Variants in GPR137C observed in about 807,000 individuals in gnomAD.
GPR137C encodes the protein integral membrane protein GPR137C.
In GPR137C, 27 loss-of-function variants were observed where a neutral mutation model predicts 43.4. That is an observed-to-expected ratio of 0.62 (90% CI 0.46 to 0.86). The LOEUF (loss-of-function observed/expected upper bound fraction) is 0.86. Ranked by LOEUF, GPR137C falls within the 40% of genes least tolerant of loss-of-function variation. The pLI is 0.00. For missense variants in GPR137C, 522 were observed against 534.6 expected, an observed-to-expected ratio of 0.98 and a Z score of 0.23; for synonymous variants, 285 against 226.9, an observed-to-expected ratio of 1.26 and a Z score of -2.30.
In GPR137C at chr14:52,635,532, T is replaced by C. The variant is rs1320080044; in HGVS notation, c.*417T>C. ...AGCCGGTATATTCATTGGTATGCTC[T>C]ATACAGATATCTTAATAAAAATTTT... On this transcript the variant is annotated 3_prime_UTR_variant, in exon 7 of 7. Transcript: ENST00000321662. 1 of 153,594 alleles carries C rather than the reference T, an allele frequency of 6.5e-6. No homozygotes were observed. Among genetic ancestry groups the C allele is most frequent in the Non-Finnish European group, 1.4e-5 (1 of 69,118 alleles). 9.5% of individuals were successfully genotyped at this position (153,594 alleles called of 1,614,324 possible).
At chr14:52,577,843 T>G (rs994312199) in intron 1 of GPR137C, among the ~76,000 whole-genome samples, 2 of 149,998 alleles carry the variant, frequency 1.3e-5, no homozygotes, top group African/African-American at 4.9e-5. Context: ...GGCATGCACC[T>G]GTAAGTCCCA....
intron 3 of GPR137C, among the ~76,000 whole-genome samples, chr14:52,623,719 A>G (rs1043167862): frequency 6.6e-6 from 1 of 151,898 alleles, no homozygotes; most frequent in Non-Finnish European, 1.5e-5. Flanking sequence ...CACTCAGTTC[A>G]TTTGACGTAG....
In GPR137C at chr14:52,582,651, G is replaced by A. The variant is rs568853066; in HGVS notation, c.445-15621G>A. 2.6e-5 allele frequency among the ~76,000 whole-genome samples: 4 copies of A among 152,176 alleles called. No individual in the cohort carries two copies. In the South Asian group the frequency reaches 8.3e-4, roughly 32 times the overall value. On this transcript the variant is annotated intron_variant, in intron 1 of 6. Transcript: ENST00000321662. ...TCTAATAAAAATACAAAAATTAGCC[G>A]GGTGTGTTGGTGTGCACCTGTCATC... is the stretch of plus-strand genomic sequence containing the variant.
chr14:52,601,942 T>C (rs2038931277), intron 3 of GPR137C, among the ~76,000 whole-genome samples: 1 of 151,892 alleles, frequency 6.6e-6, no homozygotes, highest in Non-Finnish European at 1.5e-5. Flanking sequence ...CACCATTCCC[T>C]TACTATCATA....
At chr14:52,571,359 C>A (rs763586266) in intron 1 of GPR137C, among the ~76,000 whole-genome samples, 37 of 152,166 alleles carry the variant, frequency 2.4e-4, no homozygotes, top group African/African-American at 4.6e-4. Context: ...AAATTTATAG[C>A]ACTAAATGCC....
intron 3 of GPR137C, among the ~76,000 whole-genome samples, chr14:52,606,452 T>A (rs1036662609): frequency 3.3e-5 from 5 of 152,196 alleles, no homozygotes; most frequent in Non-Finnish European, 7.3e-5. Flanking sequence ...GTTTATTTAC[T>A]TTGAGACAGT....
chr14:52,578,944 CAAAA>C (rs564809341), intron 1 of GPR137C, among the ~76,000 whole-genome samples: 3 of 93,926 alleles, frequency 3.2e-5, no homozygotes, highest in African/African-American at 4.0e-5. Flanking sequence ...GACTCCGTCT[CAAAA>C]AAAAAAAAAA....
intron 1 of GPR137C, among the ~76,000 whole-genome samples, chr14:52,567,937 C>T (rs189033323): frequency 2.0e-3 from 305 of 152,158 alleles, no homozygotes; most frequent in African/African-American, 6.9e-3. Context: ...GGATTACAGG[C>T]GTGAGCCACC....
intron 3 of GPR137C, among the ~76,000 whole-genome samples, chr14:52,627,160 T>C (rs2039237014): frequency 6.6e-6 from 1 of 150,770 alleles, no homozygotes; most frequent in African/African-American, 2.4e-5. Context: ...TGGGAGGCCT[T>C]GGTGGGAGGA....
At chr14:52,625,163 A>C (rs958182088) in intron 3 of GPR137C, among the ~76,000 whole-genome samples, 1 of 152,204 alleles carries the variant, frequency 6.6e-6, no homozygotes, top group East Asian at 1.9e-4. Context: ...AGAAGAAACA[A>C]CACCAATAGT....
At chr14:52,563,561 T>G (rs2038318991) in intron 1 of GPR137C, among the ~76,000 whole-genome samples, 1 of 152,026 alleles carries the variant, frequency 6.6e-6, no homozygotes, top group Non-Finnish European at 1.5e-5. Flanking sequence ...GCAGCATCAC[T>G]TGAGCCCAGG....
intron 3 of GPR137C, among the ~76,000 whole-genome samples, chr14:52,614,152 C>T (rs994370868): frequency 6.6e-6 from 1 of 150,816 alleles, no homozygotes; most frequent in Non-Finnish European, 1.5e-5. Context: ...CAGAGTCCCA[C>T]TCTGTCACCG....
intron 1 of GPR137C, among the ~76,000 whole-genome samples, chr14:52,558,339 G>A (rs1476460283): frequency 6.6e-6 from 1 of 152,162 alleles, no homozygotes; most frequent in Admixed American, 6.5e-5. Context: ...CAGTGGATCA[G>A]CTAGGAAAAT....
At chr14:52,596,635 C>T (rs1006030117) in intron 1 of GPR137C, among the ~76,000 whole-genome samples, 3 of 152,234 alleles carry the variant, frequency 2.0e-5, no homozygotes, top group African/African-American at 7.2e-5. Context: ...AAGCCAGGCA[C>T]AGGAGGGAAT....
At chr14:52,576,295 T>A (rs920415798) in intron 1 of GPR137C, among the ~76,000 whole-genome samples, 2 of 152,226 alleles carry the variant, frequency 1.3e-5, no homozygotes, top group African/African-American at 4.8e-5. Flanking sequence ...TTGCAATTGA[T>A]AGAATTTCAT....
At chr14:52,597,540 G>A (rs906046578) in intron 1 of GPR137C, among the ~76,000 whole-genome samples, 1 of 152,094 alleles carries the variant, frequency 6.6e-6, no homozygotes, top group Non-Finnish European at 1.5e-5. Flanking sequence ...CTCTGTAGTA[G>A]CCTGTACACT....
At chr14:52,588,446 A>G (rs1490558051) in intron 1 of GPR137C, among the ~76,000 whole-genome samples, 3 of 152,126 alleles carry the variant, frequency 2.0e-5, no homozygotes, top group Non-Finnish European at 4.4e-5. Context: ...CTTCTGGCCC[A>G]ATTGATTAAA....
chr14:52,587,747 G>T (rs1210996779), intron 1 of GPR137C, among the ~76,000 whole-genome samples: 1 of 152,188 alleles, frequency 6.6e-6, no homozygotes, highest in Non-Finnish European at 1.5e-5. Flanking sequence ...TCCAGCCTGG[G>T]TAACAGAGTG....
intron 1 of GPR137C, among the ~76,000 whole-genome samples, chr14:52,561,813 G>A (rs1029608867): frequency 1.3e-5 from 2 of 152,160 alleles, no homozygotes; most frequent in African/African-American, 4.8e-5. Flanking sequence ...GTTTCCTAGG[G>A]TCTGGAGCAG....
Sources: gnomAD v4.1 joint callset for allele counts (sites outside exome capture counted in the v4.1 genomes callset) on GRCh38, gnomAD v4.1.1 for gene constraint, MANE v1.5 for transcripts, NCBI Gene and HGNC (gene_info 2026-07-23, HGNC 2026-07-21) for gene names.